Variants in NCKAP5 observed in about 807,000 individuals in gnomAD.
The protein encoded by NCKAP5 is nck-associated protein 5.
NCKAP5 carries 92 observed loss-of-function variants against 167.0 expected under a neutral mutation model. The ratio of observed to expected loss-of-function variants is 0.55; its 90% CI spans 0.47 to 0.66. The LOEUF (loss-of-function observed/expected upper bound fraction) is 0.66, where lower values mean the gene tolerates loss of function less well. Among genes scored for constraint, NCKAP5 ranks in the 30% least tolerant of loss-of-function variants. The pLI is 0.00. For missense variants in NCKAP5, 2,378 were observed against 2,315.0 expected, an observed-to-expected ratio of 1.03 and a Z score of -0.56; for synonymous variants, 891 against 877.4, an observed-to-expected ratio of 1.02 and a Z score of -0.27.
chr2:133,316,166 TAACAC>T (rs1176254803), intron 3 of NCKAP5, among the ~76,000 whole-genome samples: 1 of 152,162 alleles, frequency 6.6e-6, no homozygotes, highest in East Asian at 1.9e-4. Context: ...TCCGATGACT[TAACAC>T]AACAAAACAA....
the NCKAP5 span, among the ~76,000 whole-genome samples, chr2:133,586,922 A>G: frequency 6.6e-6 from 1 of 152,296 alleles, no homozygotes; most frequent in Non-Finnish European, 1.5e-5. Context: ...GTTCTTGAAC[A>G]CTAAGCAGGC....
chr2:133,566,463 A>G (rs1209590114), intron 1 of NCKAP5, among the ~76,000 whole-genome samples: 1 of 152,202 alleles, frequency 6.6e-6, no homozygotes, highest in East Asian at 1.9e-4. Context: ...TTGGTTTGCT[A>G]GTGAAAACAA....
At chr2:133,525,313 C>T (rs1684780677) in intron 2 of NCKAP5, among the ~76,000 whole-genome samples, 1 of 152,198 alleles carries the variant, frequency 6.6e-6, no homozygotes, top group African/African-American at 2.4e-5. Flanking sequence ...TACATTCATG[C>T]TCACTAAACG....
At chr2:133,540,564 G>T (rs1457687947) in intron 2 of NCKAP5, among the ~76,000 whole-genome samples, 1 of 152,160 alleles carries the variant, frequency 6.6e-6, no homozygotes, top group African/African-American at 2.4e-5. Context: ...GAGAGAAGGA[G>T]TAGAATATAG....
At chr2:133,579,871 C>T in the NCKAP5 span, among the ~76,000 whole-genome samples, 1 of 152,150 alleles carries the variant, frequency 6.6e-6, no homozygotes, top group Non-Finnish European at 1.5e-5. Context: ...ACATATGTAC[C>T]TTTCTCTCCC....
At chr2:132,961,126 A>G (rs1293136772) in intron 8 of NCKAP5, among the ~76,000 whole-genome samples, 1 of 152,114 alleles carries the variant, frequency 6.6e-6, no homozygotes, top group African/African-American at 2.4e-5. Flanking sequence ...AAAAATCCAC[A>G]TGGGGTCTGT....
chr2:133,600,102 C>T, the NCKAP5 span, among the ~76,000 whole-genome samples: 86 of 152,296 alleles, frequency 5.6e-4, no homozygotes, highest in African/African-American at 1.8e-3. Context: ...GGAATTTCTT[C>T]GGGACTCCAT....
In NCKAP5 at chr2:133,078,810, TATC is replaced by T; in HGVS notation, c.341+51165_341+51167del. ...ATGAAGCACTATAGGATGTGTTCGG[TATC>T]TCAGCAACAAGAGATGCCTTGGTGT... On this transcript the variant is annotated intron_variant, in intron 6 of 19. Transcript: ENST00000409261. 1.3e-5 allele frequency among the ~76,000 whole-genome samples: 2 copies of T among 152,146 alleles called. 1 individual carries two copies. Among genetic ancestry groups the T allele is most frequent in the South Asian group, 4.1e-4 (2 of 4,826 alleles).
chr2:133,039,179 T>A (rs561611130), intron 6 of NCKAP5, among the ~76,000 whole-genome samples: 235 of 152,168 alleles, frequency 1.5e-3, no homozygotes, highest in Non-Finnish European at 3.1e-3. Flanking sequence ...GGACACAGAG[T>A]GATGGGTTTT....
At chr2:133,605,951 G>T in the NCKAP5 span, among the ~76,000 whole-genome samples, 1 of 152,186 alleles carries the variant, frequency 6.6e-6, no homozygotes, top group Non-Finnish European at 1.5e-5. Context: ...GAATGCCAAA[G>T]CATATACTCA....
intron 3 of NCKAP5, among the ~76,000 whole-genome samples, chr2:133,511,985 G>T (rs913064356): frequency 1.3e-5 from 2 of 152,244 alleles, no homozygotes; most frequent in East Asian, 1.9e-4. Context: ...ATAGGAAGCT[G>T]GTGTTTTGGG....
intron 5 of NCKAP5, among the ~76,000 whole-genome samples, chr2:133,145,405 C>A (rs1180122594): frequency 6.6e-6 from 1 of 152,012 alleles, no homozygotes; most frequent in African/African-American, 2.4e-5. Context: ...GGCTTAAAAC[C>A]TAGATGATGG....
chr2:133,434,181 G>A (rs1459443389), intron 3 of NCKAP5, among the ~76,000 whole-genome samples: 2 of 152,176 alleles, frequency 1.3e-5, no homozygotes, highest in African/African-American at 2.4e-5. Flanking sequence ...TCCAAGATAT[G>A]TTTAGTGAGC....
the NCKAP5 span, among the ~76,000 whole-genome samples, chr2:133,606,019 G>A: frequency 1.2e-4 from 19 of 152,046 alleles, no homozygotes; most frequent in African/African-American, 3.9e-4. Flanking sequence ...ACATCAGCAG[G>A]TTAATGTGGA....
chr2:132,940,359 G>A (rs750090946), intron 8 of NCKAP5, among the ~76,000 whole-genome samples: 2 of 152,080 alleles, frequency 1.3e-5, no homozygotes, highest in African/African-American at 2.4e-5. Context: ...ACCCTTCAGG[G>A]CTCAGGGAAC....
intron 5 of NCKAP5, among the ~76,000 whole-genome samples, chr2:133,145,449 C>T (rs932003285): frequency 6.6e-6 from 1 of 151,944 alleles, no homozygotes; most frequent in Non-Finnish European, 1.5e-5. Flanking sequence ...ATGGCGCATG[C>T]ATACCTAGGT....
At chr2:133,023,249 CCATT>C (rs992025009) in intron 6 of NCKAP5, among the ~76,000 whole-genome samples, 1 of 152,196 alleles carries the variant, frequency 6.6e-6, no homozygotes. Context: ...CAGCTTCTCT[CCATT>C]CAAACTTTTA....
chr2:133,081,886 C>T (rs6755681), intron 6 of NCKAP5, among the ~76,000 whole-genome samples: 12,451 of 152,164 alleles, frequency 0.082, 729 homozygotes, highest in African/African-American at 0.16. Context: ...AGCACTGTCA[C>T]AGTTTTAACA....
At chr2:133,386,950 G>C (rs1203719632) in intron 3 of NCKAP5, among the ~76,000 whole-genome samples, 1 of 152,114 alleles carries the variant, frequency 6.6e-6, no homozygotes, top group East Asian at 1.9e-4. Flanking sequence ...CTCTGCACAT[G>C]AGATGGGTTT....
Sources: gnomAD v4.1 joint callset for allele counts (sites outside exome capture counted in the v4.1 genomes callset) on GRCh38, gnomAD v4.1.1 for gene constraint, MANE v1.5 for transcripts, NCBI Gene and HGNC (gene_info 2026-07-23, HGNC 2026-07-21) for gene names.